Variants in PTPN4 observed in about 807,000 individuals in gnomAD.
PTPN4 encodes the protein protein tyrosine phosphatase non-receptor type 4.
Under a neutral mutation model 135.5 loss-of-function variants are expected in PTPN4, and 49 were observed. That is an observed-to-expected ratio of 0.36 (90% CI 0.29 to 0.46). PTPN4 has a LOEUF of 0.46. Among genes scored for constraint, PTPN4 ranks in the 20% least tolerant of loss-of-function variants. The pLI is 1.00. For synonymous variants in PTPN4, 333 were observed against 369.9 expected, an observed-to-expected ratio of 0.90 and a Z score of 1.14; for missense variants, 860 against 1,101.0, an observed-to-expected ratio of 0.78 and a Z score of 3.10.
At chr2:119,967,722 A>T in intron 25 of PTPN4, 115 bp from the exon 26 acceptor site, 1 of 876,232 alleles carries the variant, frequency 1.1e-6, no homozygotes, top group Non-Finnish European at 1.6e-6. Context: ...TTTTATAATT[A>T]AAATATTAAA....
intron 2 of PTPN4, among the ~76,000 whole-genome samples, chr2:119,818,068 CTA>C (rs1396846973): frequency 6.6e-6 from 1 of 152,176 alleles, no homozygotes; most frequent in African/African-American, 2.4e-5. Context: ...AGGGCTGAGA[CTA>C]TGGGGTTTTC....
chr2:119,836,150 T>C (rs1677288832), intron 2 of PTPN4, among the ~76,000 whole-genome samples: 1 of 152,072 alleles, frequency 6.6e-6, no homozygotes, highest in Non-Finnish European at 1.5e-5. Flanking sequence ...AAAATAAGTG[T>C]CTTTCCAGTG....
intron 2 of PTPN4, among the ~76,000 whole-genome samples, chr2:119,856,350 A>G (rs2104983699): frequency 6.6e-6 from 1 of 152,300 alleles, no homozygotes; most frequent in Middle Eastern, 3.4e-3. Flanking sequence ...AGAGGGAGCC[A>G]TTTGCTATTA....
intron 19 of PTPN4, among the ~76,000 whole-genome samples, chr2:119,952,443 T>C (rs1425852263): frequency 6.6e-6 from 1 of 152,214 alleles, no homozygotes; most frequent in African/African-American, 2.4e-5. Flanking sequence ...GATTTTGTTA[T>C]GACTTATACC....
intron 1 of PTPN4, among the ~76,000 whole-genome samples, chr2:119,800,751 T>C (rs1159887960): frequency 6.6e-6 from 1 of 152,198 alleles, no homozygotes; most frequent in Admixed American, 6.5e-5. Flanking sequence ...GTGTGAGGTT[T>C]AGGTTGAGGT....
chr2:119,827,280 CT>C (rs1677159847), intron 2 of PTPN4, among the ~76,000 whole-genome samples: 1 of 152,140 alleles, frequency 6.6e-6, no homozygotes, highest in South Asian at 2.1e-4. Flanking sequence ...GGGGGGAAAT[CT>C]ATTTGAGTTT....
At chr2:119,839,167 A>T (rs1301219355) in intron 2 of PTPN4, among the ~76,000 whole-genome samples, 2 of 152,150 alleles carry the variant, frequency 1.3e-5, no homozygotes, top group African/African-American at 2.4e-5. Context: ...TATTTTAATT[A>T]GTTTTCATTC....
chr2:119,966,932 A>G (rs1214082612), intron 25 of PTPN4, among the ~76,000 whole-genome samples: 5 of 152,244 alleles, frequency 3.3e-5, no homozygotes, highest in Admixed American at 1.3e-4. Flanking sequence ...TGATTTATTC[A>G]GAGGATATCT....
At chr2:119,839,936 T>A (rs1677355623) in intron 2 of PTPN4, among the ~76,000 whole-genome samples, 1 of 152,162 alleles carries the variant, frequency 6.6e-6, no homozygotes, top group African/African-American at 2.4e-5. Context: ...GTGGAAAGTA[T>A]GAGGGGAAAA....
At chr2:119,867,255 G>A (rs1677846153) in intron 3 of PTPN4, among the ~76,000 whole-genome samples, 1 of 152,102 alleles carries the variant, frequency 6.6e-6, no homozygotes. Context: ...TATCCCTGTG[G>A]TTATAGTGTA....
intron 2 of PTPN4, among the ~76,000 whole-genome samples, chr2:119,837,751 G>A (rs192727916): frequency 6.6e-6 from 1 of 152,136 alleles, no homozygotes; most frequent in Non-Finnish European, 1.5e-5. Context: ...ACCCTCTTTG[G>A]GGTTCTTGTG....
In PTPN4 at chr2:119,977,230, A is replaced by C; in HGVS notation, c.*160A>C. Reference sequence around the variant, plus strand: ...ACTGTTGCACTTTATGTTTTAAAAAATGTCACTCTTTCAAAATCTATAACT... The same window carrying C: ...ACTGTTGCACTTTATGTTTTAAAAACTGTCACTCTTTCAAAATCTATAACT... On this transcript the variant is annotated 3_prime_UTR_variant, in exon 27 of 27. Coordinates refer to ENST00000263708, the MANE Select transcript of PTPN4 (RefSeq NM_002830.4). 8.4e-7 allele frequency: 1 copy of C among 1,195,524 alleles called. No homozygotes were observed. Among genetic ancestry groups the C allele is most frequent in the Non-Finnish European group, 1.1e-6 (1 of 924,102 alleles). The allele number at this position is 1,195,524 out of a possible 1,614,324, so 74.1% of individuals were successfully genotyped here. A position where few individuals can be genotyped will look rare whatever the true frequency, so the allele number is the denominator to read the frequency against.
chr2:119,910,929 A>G (rs1367736319), intron 10 of PTPN4, among the ~76,000 whole-genome samples: 1 of 152,140 alleles, frequency 6.6e-6, no homozygotes. Flanking sequence ...AAATTTCACA[A>G]CGTAGATTAA....
intron 1 of PTPN4, among the ~76,000 whole-genome samples, chr2:119,800,356 T>C (rs1284344827): frequency 1.3e-5 from 2 of 152,176 alleles, no homozygotes; most frequent in Non-Finnish European, 2.9e-5. Flanking sequence ...GAGCATCCTT[T>C]CATGTGCTTA....
chr2:119,789,591 G>A (rs1020129127), intron 1 of PTPN4, among the ~76,000 whole-genome samples: 1 of 151,826 alleles, frequency 6.6e-6, no homozygotes, highest in Non-Finnish European at 1.5e-5. Context: ...TTGATGTGTT[G>A]TTATTTTTGT....
intron 2 of PTPN4, among the ~76,000 whole-genome samples, chr2:119,850,926 T>C (rs551898051): frequency 1.3e-5 from 2 of 152,328 alleles, no homozygotes; most frequent in South Asian, 4.1e-4. Context: ...ATTGCTCAGT[T>C]CCCTTGCTAC....
At chr2:119,840,409 G>A (rs959887445) in intron 2 of PTPN4, among the ~76,000 whole-genome samples, 1 of 152,162 alleles carries the variant, frequency 6.6e-6, no homozygotes, top group Non-Finnish European at 1.5e-5. Context: ...ATGGCTTCCA[G>A]CTCCATTCAT....
intron 3 of PTPN4, among the ~76,000 whole-genome samples, chr2:119,870,235 G>A (rs974617489): frequency 5.9e-5 from 9 of 151,810 alleles, no homozygotes; most frequent in Admixed American, 2.0e-4. Context: ...AGCAAATCAC[G>A]TTTTTTTTAA....
chr2:119,885,966 G>C, intron 9 of PTPN4, 84 bp downstream of exon 9: 1 of 934,082 alleles, frequency 1.1e-6, no homozygotes, highest in Non-Finnish European at 1.6e-6. Context: ...ATAACAAATG[G>C]AATAAGTTAT....
Sources: gnomAD v4.1 joint callset for allele counts (sites outside exome capture counted in the v4.1 genomes callset) on GRCh38, gnomAD v4.1.1 for gene constraint, MANE v1.5 for transcripts, NCBI Gene and HGNC (gene_info 2026-07-23, HGNC 2026-07-21) for gene names.